SMLR1: variants seen among roughly 807,000 people sequenced by gnomAD.
SMLR1 encodes small leucine-rich protein 1.
A neutral mutation model predicts 6.1 loss-of-function variants in SMLR1; 3 were observed. The observed-to-expected ratio is 0.49, with a 90% CI of 0.22 to 1.28. The LOEUF (loss-of-function observed/expected upper bound fraction) is 1.28, where lower values mean the gene tolerates loss of function less well. Ranked by LOEUF, SMLR1 falls within the 50% of genes most tolerant of loss-of-function variation. The pLI is 0.19. For synonymous variants in SMLR1, 55 were observed against 53.6 expected (o/e 1.03, Z -0.11); for missense variants, 126 against 124.8 (o/e 1.01, Z -0.05).
Position 130,836,265 on chromosome 6 carries a change from AGTAACAGTGCTCTTGCCATAT to A in SMLR1, c.*1312_*1332del, listed in dbSNP as rs1774656513. 1 of 152,226 alleles carries A rather than the reference AGTAACAGTGCTCTTGCCATAT, an allele frequency of 6.6e-6. No homozygotes were observed. The highest frequency in any genetic ancestry group is 2.1e-4 in the South Asian group (1 of 4,836). The allele number at this position is 152,226 out of a possible 1,614,324, so 9.4% of individuals were successfully genotyped here. A position where few individuals can be genotyped will look rare whatever the true frequency, so the allele number is the denominator to read the frequency against. On this transcript the variant is annotated 3_prime_UTR_variant, in exon 2 of 2. Transcript: ENST00000541421. ...GGGTTTTCAGACTGAACTAATTCAG[AGTAACAGTGCTCTTGCCATAT>A]GGAAGGAATAACAATATTCTTTCAG...
chr6:130,830,249 G>A (rs1329779127), intron 1 of SMLR1, among the ~76,000 whole-genome samples: 2 of 152,042 alleles, frequency 1.3e-5, no homozygotes, highest in Non-Finnish European at 2.9e-5. Flanking sequence ...CCAGAGGCAG[G>A]ATCCTCTACA....
chr6:130,833,346 C>A (rs1193002854), intron 1 of SMLR1, among the ~76,000 whole-genome samples: 1 of 152,140 alleles, frequency 6.6e-6, no homozygotes, highest in Admixed American at 6.6e-5. Flanking sequence ...CACCCATTTT[C>A]AGCTCTACAA....
intron 1 of SMLR1, among the ~76,000 whole-genome samples, chr6:130,831,200 GC>G (rs1774434629): frequency 6.6e-6 from 1 of 152,152 alleles, no homozygotes; most frequent in African/African-American, 2.4e-5. Context: ...AAATGTGGGG[GC>G]CCTGGATGGT....
chr6:130,830,933 T>C (rs1774426054), intron 1 of SMLR1, among the ~76,000 whole-genome samples: 1 of 151,844 alleles, frequency 6.6e-6, no homozygotes, highest in Non-Finnish European at 1.5e-5. Flanking sequence ...ACCATAAAAA[T>C]GGGCAACCAG....
Position 130,827,670 on chromosome 6 carries a change from A to G in SMLR1, c.238+19A>G, listed in dbSNP as rs993305248. The G allele has an allele frequency of 1.3e-6, 2 of 1,525,790 alleles. No individual in the cohort carries two copies. Among genetic ancestry groups the G allele is most frequent in the African/African-American group, 2.7e-5 (2 of 72,778 alleles). 94.5% of individuals were successfully genotyped at this position (1,525,790 alleles called of 1,614,324 possible). A position where few individuals can be genotyped will look rare whatever the true frequency, so the allele number is the denominator to read the frequency against. ...ATTGAGGGTAAGTGTGAGGCCACAC[A>G]AGGAAGAACTTGGGCATCCTTTCCC... On this transcript the variant is annotated intron_variant, in intron 1 of 1. Coordinates refer to ENST00000541421, the MANE Select transcript of SMLR1 (RefSeq NM_001195597.2).
At position 130,835,146 on chromosome 6, in the gene SMLR1, T is replaced by C. The variant is rs1774612683; in HGVS notation, c.*191T>C. ...CTAAGGGGACTTCTCAGAGACTCAG[T>C]ATAACAGCAGCTCTTGAAAAGTACC... On this transcript the variant is annotated 3_prime_UTR_variant, in exon 2 of 2. Coordinates refer to ENST00000541421, the MANE Select transcript of SMLR1 (RefSeq NM_001195597.2). The C allele has an allele frequency of 5.3e-6, 3 of 569,180 alleles. No homozygotes were observed. Among genetic ancestry groups the C allele is most frequent in the Non-Finnish European group, 9.4e-6 (3 of 319,130 alleles). 35.3% of individuals were successfully genotyped at this position (569,180 alleles called of 1,614,324 possible). A position where few individuals can be genotyped will look rare whatever the true frequency, so the allele number is the denominator to read the frequency against.
chr6:130,833,496 T>A (rs1027622541), intron 1 of SMLR1, among the ~76,000 whole-genome samples: 1 of 152,154 alleles, frequency 6.6e-6, no homozygotes, highest in African/African-American at 2.4e-5. Context: ...ACCTTTGAAA[T>A]AGCGATAATC....
chr6:130,827,614 C>A lies in SMLR1; in HGVS notation c.201C>A (p.Leu67=), dbSNP rs1481506723. The change falls in exon 1 of 2, where the codon CTC becomes CTA. Residue 67 remains leucine, a synonymous_variant. Coordinates refer to ENST00000541421, the MANE Select transcript of SMLR1 (RefSeq NM_001195597.2). The part of the protein sequence containing the change: ...GVFLPVTLLL[L]LLIAYFRIKL... Reference sequence around the variant, plus strand: ...TCCTCCCCGTGACTTTGCTGCTGCTCCTCCTCATCGCCTACTTCAGGATCA... The same window carrying A: ...TCCTCCCCGTGACTTTGCTGCTGCTACTCCTCATCGCCTACTTCAGGATCA... 6.5e-7 allele frequency: 1 copy of A among 1,535,706 alleles called. No individual in the cohort carries two copies. Among genetic ancestry groups the A allele is most frequent in the Non-Finnish European group, 8.7e-7 (1 of 1,146,616 alleles).
In SMLR1 at chr6:130,837,086, T is replaced by C. The variant is rs2128385279; in HGVS notation, c.*2131T>C. On this transcript the variant is annotated 3_prime_UTR_variant, in exon 2 of 2. Transcript: ENST00000541421. ...TGAAACGGTTCACCAATAGGGATAA[T>C]GTTTCTCCAACTGGAGACCTTCAAT... 1 of 152,324 alleles carries C rather than the reference T, an allele frequency of 6.6e-6. No homozygotes were observed. Among genetic ancestry groups the C allele is most frequent in the African/African-American group, 2.4e-5 (1 of 41,584 alleles). 9.4% of individuals were successfully genotyped at this position (152,324 alleles called of 1,614,324 possible). A position where few individuals can be genotyped will look rare whatever the true frequency, so the allele number is the denominator to read the frequency against.
At position 130,827,655 on chromosome 6, in the gene SMLR1, A is replaced by C. The variant is rs1018800158; in HGVS notation, c.238+4A>C. The C allele has an allele frequency of 8.0e-5, 122 of 1,534,252 alleles. No individual in the cohort carries two copies. The highest frequency in any genetic ancestry group is 1.0e-4 in the Non-Finnish European group (119 of 1,145,406). ...TTCAGGATCAAACTGATTGAGGGTA[A>C]GTGTGAGGCCACACAAGGAAGAACT... is the stretch of plus-strand genomic sequence containing the variant. On this transcript the variant is annotated splice_donor_region_variant and intron_variant, in intron 1 of 1. Coordinates refer to ENST00000541421, the MANE Select transcript of SMLR1 (RefSeq NM_001195597.2).
At position 130,827,668 on chromosome 6, in the gene SMLR1, A is replaced by G; in HGVS notation, c.238+17A>G. ...TGATTGAGGGTAAGTGTGAGGCCAC[A>G]CAAGGAAGAACTTGGGCATCCTTTC... On this transcript the variant is annotated intron_variant, in intron 1 of 1. Coordinates refer to ENST00000541421, the MANE Select transcript of SMLR1 (RefSeq NM_001195597.2). 2 of 1,525,236 alleles carry G rather than the reference A, an allele frequency of 1.3e-6. No homozygotes were observed. The highest frequency in any genetic ancestry group is 1.8e-6 in the Non-Finnish European group (2 of 1,137,136). The allele number at this position is 1,525,236 out of a possible 1,614,324, so 94.5% of individuals were successfully genotyped here. A position where few individuals can be genotyped will look rare whatever the true frequency, so the allele number is the denominator to read the frequency against.
Position 130,827,498 on chromosome 6 carries a change from G to A in SMLR1, c.85G>A (p.Val29Ile). ...AALVLSVTPM[V>I]PVGSVWLAMS... is the part of the protein sequence containing the mutation. Reference sequence around the variant, plus strand: ...CCTGGTCCTGAGTGTGACTCCCATGGTCCCCGTGGGGTCTGTGTGGTTGGC... The same window carrying A: ...CCTGGTCCTGAGTGTGACTCCCATGATCCCCGTGGGGTCTGTGTGGTTGGC... The change falls in exon 1 of 2, where the codon GTC (valine) becomes ATC (isoleucine). Residue 29 changes from valine to isoleucine, a missense_variant. Coordinates refer to ENST00000541421, the MANE Select transcript of SMLR1 (RefSeq NM_001195597.2). The A allele has an allele frequency of 1.3e-6, 2 of 1,535,960 alleles. No individual in the cohort carries two copies. Among genetic ancestry groups the A allele is most frequent in the Non-Finnish European group, 1.7e-6 (2 of 1,146,870 alleles).
intron 1 of SMLR1, among the ~76,000 whole-genome samples, chr6:130,829,052 C>T (rs1774362948): frequency 6.6e-6 from 1 of 152,208 alleles, no homozygotes; most frequent in Non-Finnish European, 1.5e-5. Flanking sequence ...CTCCCATTGA[C>T]ATTGAACGTC....
chr6:130,830,499 C>G (rs1328545375), intron 1 of SMLR1, among the ~76,000 whole-genome samples: 1 of 152,136 alleles, frequency 6.6e-6, no homozygotes, highest in Non-Finnish European at 1.5e-5. Flanking sequence ...GGAAAGAATA[C>G]TAATGACTAG....
intron 1 of SMLR1, among the ~76,000 whole-genome samples, chr6:130,831,930 C>T (rs1488961685): frequency 2.6e-5 from 4 of 152,032 alleles, no homozygotes; most frequent in African/African-American, 4.8e-5. Flanking sequence ...TAATGGTGCA[C>T]ATAAATTTAA....
chr6:130,837,097 C>T lies in SMLR1; in HGVS notation c.*2142C>T, dbSNP rs1053281852. On this transcript the variant is annotated 3_prime_UTR_variant, in exon 2 of 2. Coordinates refer to ENST00000541421, the MANE Select transcript of SMLR1 (RefSeq NM_001195597.2). ...ACCAATAGGGATAATGTTTCTCCAA[C>T]TGGAGACCTTCAATAAAACACTTCA... 1.4e-4 allele frequency: 22 copies of T among 152,168 alleles called. No individual in the cohort carries two copies. The highest frequency in any genetic ancestry group is 5.1e-4 in the African/African-American group (21 of 41,442). The allele number at this position is 152,168 out of a possible 1,614,324, so 9.4% of individuals were successfully genotyped here. A position where few individuals can be genotyped will look rare whatever the true frequency, so the allele number is the denominator to read the frequency against.
rs1163347973 is a variant in SMLR1, at chr6:130,835,871, C to T, written c.*916C>T. On this transcript the variant is annotated 3_prime_UTR_variant, in exon 2 of 2. Transcript: ENST00000541421. ...GTGCTCCCCACATTCTTCCAGTTAA[C>T]ATAAATCAAAGATGTTCAATGCATT... 1 of 152,154 alleles carries T rather than the reference C, an allele frequency of 6.6e-6. No homozygotes were observed. The highest frequency in any genetic ancestry group is 1.9e-4 in the East Asian group (1 of 5,194). The allele number at this position is 152,154 out of a possible 1,614,324, so 9.4% of individuals were successfully genotyped here. A position where few individuals can be genotyped will look rare whatever the true frequency, so the allele number is the denominator to read the frequency against.
At chr6:130,828,819 G>T (rs1774356275) in intron 1 of SMLR1, among the ~76,000 whole-genome samples, 1 of 152,008 alleles carries the variant, frequency 6.6e-6, no homozygotes, top group Non-Finnish European at 1.5e-5. Flanking sequence ...CCTTTTCTTT[G>T]TTAAGTCAGT....
In SMLR1 at chr6:130,836,938, A is replaced by G. The variant is rs925874795; in HGVS notation, c.*1983A>G. 2.6e-5 allele frequency: 4 copies of G among 152,014 alleles called. No homozygotes were observed. The highest frequency in any genetic ancestry group is 9.7e-5 in the African/African-American group (4 of 41,342). 9.4% of individuals were successfully genotyped at this position (152,014 alleles called of 1,614,324 possible). ...TAGACCAAGTCGGCAGTCTCCCTAC[A>G]TTACCCTACATTCAGCTGCATCCTA... On this transcript the variant is annotated 3_prime_UTR_variant, in exon 2 of 2. Coordinates refer to ENST00000541421, the MANE Select transcript of SMLR1 (RefSeq NM_001195597.2).
Sources: allele counts gnomAD v4.1 joint callset (sites outside exome capture counted in the v4.1 genomes callset), GRCh38; gene constraint gnomAD v4.1.1; transcripts MANE v1.5; gene names NCBI Gene and HGNC (gene_info 2026-07-23, HGNC 2026-07-21).